The following LRRC7 variants were observed in gnomAD, a reference collection of about 807,000 sequenced individuals.
The protein encoded by LRRC7 is leucine rich repeat containing 7.
In LRRC7, 23 loss-of-function variants were observed where a neutral mutation model predicts 175.7. The observed-to-expected ratio is 0.13, with a 90% confidence interval of 0.09 to 0.19. The LOEUF is 0.19. Ranked by LOEUF, LRRC7 falls within the 10% of genes least tolerant of loss-of-function variation. The pLI, the probability that LRRC7 is intolerant of heterozygous loss-of-function variation, is 1.00. For missense variants in LRRC7, 1,354 were observed against 1,904.7 expected (o/e 0.71, Z 5.38); for synonymous variants, 685 against 680.9 (o/e 1.01, Z -0.09).
intron 26 of LRRC7, among the ~76,000 whole-genome samples, chr1:70,115,247 G>A (rs1401539615): frequency 1.3e-5 from 2 of 152,214 alleles, no homozygotes; most frequent in African/African-American, 4.8e-5. Flanking sequence ...GCCAGTCCAA[G>A]ACTGGACAAC....
At chr1:69,815,038 T>C (rs775829785) in intron 4 of LRRC7, among the ~76,000 whole-genome samples, 1 of 152,210 alleles carries the variant, frequency 6.6e-6, no homozygotes, top group Non-Finnish European at 1.5e-5. Flanking sequence ...CATTAGTTGT[T>C]CTTTCACTTA....
chr1:69,825,391 C>T (rs1231250749), intron 4 of LRRC7, among the ~76,000 whole-genome samples: 1 of 152,158 alleles, frequency 6.6e-6, no homozygotes, highest in Non-Finnish European at 1.5e-5. Context: ...ACTTGTTCTC[C>T]CTTCTCTCAG....
intron 3 of LRRC7, among the ~76,000 whole-genome samples, chr1:69,790,754 T>G (rs1319604644): frequency 6.6e-6 from 1 of 151,926 alleles, no homozygotes; most frequent in Admixed American, 6.6e-5. Context: ...AAACTATCCA[T>G]CAAAGTATGC....
chr1:70,113,076 A>G (rs1268323874), intron 26 of LRRC7, among the ~76,000 whole-genome samples: 1 of 152,188 alleles, frequency 6.6e-6, no homozygotes. Context: ...ATGGCATTCA[A>G]GGCTCAGAAT....
At chr1:70,075,977 G>T in intron 23 of LRRC7, 100 bp from the exon 24 acceptor site, 1 of 1,233,528 alleles carries the variant, frequency 8.1e-7, no homozygotes, top group South Asian at 1.4e-5. Flanking sequence ...GAGCCCAAAT[G>T]GTGCCGCTTT....
intron 9 of LRRC7, among the ~76,000 whole-genome samples, chr1:69,982,335 G>T (rs1164468309): frequency 6.6e-6 from 1 of 152,198 alleles, no homozygotes; most frequent in African/African-American, 2.4e-5. Context: ...CTCCCTGCCA[G>T]AAATAGCCAT....
chr1:69,937,458 A>C (rs543012284), intron 8 of LRRC7, among the ~76,000 whole-genome samples: 2 of 152,162 alleles, frequency 1.3e-5, no homozygotes, highest in East Asian at 1.9e-4. Flanking sequence ...CAAAATTTCT[A>C]ATGTAAAACC....
In LRRC7 at chr1:69,792,112, A is replaced by G; in HGVS notation, c.373A>G (p.Thr125Ala). 2 of 1,610,764 alleles carry G rather than the reference A, an allele frequency of 1.2e-6. No homozygotes were observed. Among genetic ancestry groups the G allele is most frequent in the Non-Finnish European group, 1.7e-6 (2 of 1,177,618 alleles). The change falls in exon 4 of 27, where the codon ACT becomes GCT. Residue 125 changes from threonine to alanine, a missense_variant. By Grantham distance (58) the Thr-to-Ala change is moderately conservative. Transcript: ENST00000651989. ...PDNDLSNLPT[T>A]IASLVNLKEL... is the part of the protein sequence containing the mutation. ...TAACGACCTTTCAAATCTGCCAACC[A>G]CTATTGCTAGTTTAGTTAATCTTAA... is the stretch of plus-strand genomic sequence containing the variant.
intron 22 of LRRC7, among the ~76,000 whole-genome samples, chr1:70,047,259 G>T (rs183890678): frequency 7.9e-5 from 12 of 152,232 alleles, no homozygotes; most frequent in Admixed American, 3.9e-4. Flanking sequence ...GCTATCTCTA[G>T]TTAGATGCTG....
At chr1:69,717,977 A>AAGAAGAAAAAGAAAGAAAG (rs1665801881) in intron 2 of LRRC7, among the ~76,000 whole-genome samples, 3 of 48,320 alleles carry the variant, frequency 6.2e-5, no homozygotes, top group African/African-American at 1.7e-4. Flanking sequence ...AAGAAAGAGA[A>AAGAAGAAAAAGAAAGAAAG]AGAAAGAGGA....
At chr1:70,102,639 A>G (rs1413166117) in intron 25 of LRRC7, among the ~76,000 whole-genome samples, 1 of 152,114 alleles carries the variant, frequency 6.6e-6, no homozygotes, top group African/African-American at 2.4e-5. Context: ...TGCTGGGACT[A>G]AGGGAGTGAG....
chr1:69,739,249 A>C (rs551664669), intron 2 of LRRC7, among the ~76,000 whole-genome samples: 1 of 152,182 alleles, frequency 6.6e-6, no homozygotes, highest in South Asian at 2.1e-4. Flanking sequence ...CTAGCTAGCA[A>C]ATATCATAAT....
intron 2 of LRRC7, among the ~76,000 whole-genome samples, chr1:69,699,661 A>G (rs1267660117): frequency 6.7e-6 from 1 of 150,004 alleles, no homozygotes; most frequent in Non-Finnish European, 1.5e-5. Flanking sequence ...TGTGTCTCCA[A>G]GTTTTTGCCT....
At chr1:70,014,959 G>A (rs1175076190) in intron 13 of LRRC7, among the ~76,000 whole-genome samples, 9 of 151,996 alleles carry the variant, frequency 5.9e-5, no homozygotes, top group African/African-American at 2.2e-4. Flanking sequence ...ACATGATTCT[G>A]GATAGTTTTG....
intron 12 of LRRC7, among the ~76,000 whole-genome samples, chr1:70,012,699 CAAT>C (rs1328223293): frequency 6.6e-6 from 1 of 151,146 alleles, no homozygotes; most frequent in South Asian, 2.1e-4. Flanking sequence ...TATATGAAAA[CAAT>C]AATGTTAGCA....
intron 6 of LRRC7, among the ~76,000 whole-genome samples, chr1:69,836,754 A>T (rs756343891): frequency 1.3e-5 from 2 of 151,910 alleles, no homozygotes; most frequent in Admixed American, 6.6e-5. Context: ...GATTTGAGAC[A>T]TGCAAATGTT....
chr1:69,998,332 A>G (rs1655205147), intron 11 of LRRC7, among the ~76,000 whole-genome samples: 1 of 152,178 alleles, frequency 6.6e-6, no homozygotes, highest in African/African-American at 2.4e-5. Context: ...CCCCTCATCT[A>G]GAAAGCTTCA....
At chr1:69,603,591 G>A (rs1170229316) in intron 1 of LRRC7, among the ~76,000 whole-genome samples, 2 of 152,000 alleles carry the variant, frequency 1.3e-5, no homozygotes, top group African/African-American at 4.8e-5. Context: ...TATACAAATA[G>A]GATATCTGTT....
intron 7 of LRRC7, among the ~76,000 whole-genome samples, chr1:69,892,038 A>G (rs917990467): frequency 2.0e-5 from 3 of 152,340 alleles, no homozygotes; most frequent in Middle Eastern, 3.4e-3. Flanking sequence ...ATAATTTCAC[A>G]ATGTATACAT....
Sources: gnomAD v4.1 joint callset for allele counts (sites outside exome capture counted in the v4.1 genomes callset) on GRCh38, gnomAD v4.1.1 for gene constraint, MANE v1.5 for transcripts, NCBI Gene and HGNC (gene_info 2026-07-23, HGNC 2026-07-21) for gene names.